The following WDR86 variants were observed in gnomAD, a reference collection of about 807,000 sequenced individuals.
The protein encoded by WDR86 is WD repeat domain 86, also known as WD repeat-containing protein 86.
In WDR86, 30 loss-of-function variants were observed where a neutral mutation model predicts 36.5. The ratio of observed to expected loss-of-function variants is 0.82; its 90% CI spans 0.61 to 1.11. The LOEUF (loss-of-function observed/expected upper bound fraction) is 1.11. Among genes scored for constraint, WDR86 ranks in the 50% most tolerant of loss-of-function variants. WDR86 has a pLI of 0.00. For synonymous variants in WDR86, 255 were observed against 252.9 expected, an observed-to-expected ratio of 1.01 and a Z score of -0.08; for missense variants, 545 against 561.2, an observed-to-expected ratio of 0.97 and a Z score of 0.29.
intron 4 of WDR86, among the ~76,000 whole-genome samples, chr7:151,383,877 G>A (rs759856876): frequency 8.5e-5 from 13 of 152,234 alleles, no homozygotes; most frequent in Non-Finnish European, 1.8e-4. Context: ...CTTTCCCTGC[G>A]GGCTCCATGC....
At chr7:151,392,049 G>A (rs1799475648) in intron 3 of WDR86, among the ~76,000 whole-genome samples, 1 of 152,156 alleles carries the variant, frequency 6.6e-6, no homozygotes, top group South Asian at 2.1e-4. Context: ...AAAAGTGTGT[G>A]CTGCCTTCCT....
chr7:151,381,427 A>G lies in WDR86; in HGVS notation c.*155T>C, dbSNP rs1704056302. On this transcript the variant is annotated 3_prime_UTR_variant, in exon 6 of 6. Transcript: ENST00000334493. The surrounding 1 kb of genome is among the most constrained non-coding windows in gnomAD (Gnocchi z 4.8). ...TCCCAGCGCCTCCTGGCCACCAAAG[A>G]AAAACCAGACGCCTGCGACGGGCTC... 1.3e-6 allele frequency: 2 copies of G among 1,489,636 alleles called. No homozygotes were observed. Among genetic ancestry groups the G allele is most frequent in the African/African-American group, 1.5e-5 (1 of 68,718 alleles). The allele number at this position is 1,489,636 out of a possible 1,614,324, so 92.3% of individuals were successfully genotyped here. A position where few individuals can be genotyped will look rare whatever the true frequency, so the allele number is the denominator to read the frequency against.
At position 151,393,920 on chromosome 7, in the gene WDR86, G is replaced by A. The variant is rs560680003; in HGVS notation, c.726+1856C>T. On this transcript the variant is annotated intron_variant, in intron 3 of 5. Transcript: ENST00000334493. ...GGCAGAGTGTGCCTCCCCAAAACAC[G>A]CCCCTTCAGCATAAGGATGATGTCG... is the stretch of plus-strand genomic sequence containing the variant. Among the ~76,000 whole-genome samples, 25 of 152,160 alleles carry A rather than the reference G, an allele frequency of 1.6e-4. 1 individual carries two copies. In the South Asian group the frequency reaches 3.9e-3, roughly 24 times the overall value.
downstream of WDR86, among the ~76,000 whole-genome samples, chr7:151,371,777 T>C (rs752982511): frequency 1.3e-5 from 2 of 152,214 alleles, no homozygotes; most frequent in African/African-American, 2.4e-5. Context: ...AGAGCCTTGC[T>C]CTCTTGTCCA....
At chr7:151,382,733 C>G (rs1798690719) in intron 4 of WDR86, among the ~76,000 whole-genome samples, 1 of 152,214 alleles carries the variant, frequency 6.6e-6, no homozygotes, top group Non-Finnish European at 1.5e-5. Context: ...GAAGCCGACC[C>G]TGATGCTAGG....
In WDR86 at chr7:151,385,170, C is replaced by G. The variant is rs942342583; in HGVS notation, c.780G>C (p.Trp260Cys). ...GCACACACTCCCCTGTGTCTGCCAG[C>G]CAGCACTTGACGGTCCTGTCCGCGC... Reference protein sequence around the residue: ...SGSADRTVKCWLADTGECVRT... With the variant: ...SGSADRTVKCCLADTGECVRT... Residue 260 changes from tryptophan to cysteine, a missense_variant, in exon 4 of 6, where the codon TGG (tryptophan) becomes TGC (cysteine). Transcript: ENST00000334493. 1 of 1,613,148 alleles carries G rather than the reference C, an allele frequency of 6.2e-7. No homozygotes were observed.
At chr7:151,394,386 C>A (rs566137098) in intron 3 of WDR86, among the ~76,000 whole-genome samples, 2 of 152,354 alleles carry the variant, frequency 1.3e-5, no homozygotes, top group African/African-American at 4.8e-5. Context: ...TGGGGTTGAG[C>A]ACAGCGAAGC....
chr7:151,403,351 CA>C (rs1800471725), intron 1 of WDR86, among the ~76,000 whole-genome samples: 1 of 152,196 alleles, frequency 6.6e-6, no homozygotes. Context: ...TGGACAAATT[CA>C]AACATCCACA....
chr7:151,376,608 G>C (rs1207852135), downstream of WDR86: 1 of 1,578,708 alleles, frequency 6.3e-7, no homozygotes, highest in Middle Eastern at 1.8e-4. Context: ...AGGGGCTGAT[G>C]CTGTGACCCC....
chr7:151,400,071 A>C, intron 2 of WDR86, 29 bp downstream of exon 2: 1 of 1,525,468 alleles, frequency 6.6e-7, no homozygotes, highest in Non-Finnish European at 8.8e-7. Flanking sequence ...GTATGGTGAG[A>C]CTCAGCCCAA....
At chr7:151,403,430 G>T (rs1234767278) in intron 1 of WDR86, among the ~76,000 whole-genome samples, 1 of 152,142 alleles carries the variant, frequency 6.6e-6, no homozygotes, top group Non-Finnish European at 1.5e-5. Flanking sequence ...TAGACAGCTG[G>T]TATTGGGTAG....
the WDR86 span, among the ~76,000 whole-genome samples, chr7:151,370,604 A>G: frequency 6.6e-6 from 1 of 152,030 alleles, no homozygotes; most frequent in African/African-American, 2.4e-5. Flanking sequence ...CAGGTTAGTT[A>G]CATATGTATA....
intron 1 of WDR86, among the ~76,000 whole-genome samples, chr7:151,402,083 A>ATC (rs1800380103): frequency 2.4e-5 from 3 of 127,128 alleles, no homozygotes; most frequent in African/African-American, 9.3e-5. Flanking sequence ...ATATATATAT[A>ATC]TATATATATC....
At chr7:151,407,555 T>C (rs1478850504) in intron 1 of WDR86, among the ~76,000 whole-genome samples, 2 of 152,196 alleles carry the variant, frequency 1.3e-5, no homozygotes, top group African/African-American at 2.4e-5. Context: ...ATGCCAATTC[T>C]AGGCCGGGTG....
At chr7:151,386,720 C>T (rs1024843664) in intron 3 of WDR86, among the ~76,000 whole-genome samples, 1 of 152,190 alleles carries the variant, frequency 6.6e-6, no homozygotes, top group East Asian at 1.9e-4. Flanking sequence ...CAGCTGCTTA[C>T]AGTCTTCAAC....
Position 151,385,221 on chromosome 7 carries a change from C to T in WDR86, c.729G>A (p.Leu243=), listed in dbSNP as rs1340813341. The change falls in exon 4 of 6, where the codon CTG becomes CTA. Residue 243 remains leucine (L), a splice_region_variant and synonymous_variant. Transcript: ENST00000334493. The stretch of plus-strand genomic sequence containing the variant: ...TGCCAGAGTACACGAGTCGGTTCAC[C>T]AGCTGCGAGGAGGAGCAGGGAAGGT... The part of the protein sequence containing the change: ...EHRGSVICLE[L]VNRLVYSGSA... 6.2e-7 allele frequency: 1 copy of T among 1,611,526 alleles called. No homozygotes were observed. The highest frequency in any genetic ancestry group is 1.1e-5 in the South Asian group (1 of 91,070).
In WDR86 at chr7:151,385,562, C is replaced by A. The variant is rs148509764; in HGVS notation, c.727-339G>T. ...CGAGGGTGTGTGTGGGGTACAGGCA[C>A]TTAACTGCTCGCTCCTGCTGGCTGA... On this transcript the variant is annotated intron_variant, in intron 3 of 5. Transcript: ENST00000334493. 1.3e-3 allele frequency among the ~76,000 whole-genome samples: 196 copies of A among 152,312 alleles called. 1 individual carries two copies. The East Asian group carries it at 0.03, about 23-fold the overall frequency.
chr7:151,376,163 T>G, downstream of WDR86: 1 of 530,802 alleles, frequency 1.9e-6, no homozygotes, highest in Non-Finnish European at 3.4e-6. Context: ...TGTCAGGAAG[T>G]TCTCTTTAGG....
At chr7:151,377,869 TTGAG>T (rs1380974263), downstream of WDR86, 2 of 152,222 alleles carry the variant, frequency 1.3e-5, no homozygotes, top group African/African-American at 4.8e-5. Context: ...AAATTCAAGA[TTGAG>T]TGTCAGGCTT....
Sources: allele counts gnomAD v4.1 joint callset (sites outside exome capture counted in the v4.1 genomes callset), GRCh38; gene constraint gnomAD v4.1.1; non-coding constraint Gnocchi (gnomAD v3.1); transcripts MANE v1.5; gene names NCBI Gene and HGNC (gene_info 2026-07-23, HGNC 2026-07-21).